The following STXBP5L variants were observed in gnomAD, a reference collection of about 807,000 sequenced individuals.
The protein encoded by STXBP5L is syntaxin-binding protein 5-like.
A neutral mutation model predicts 144.5 loss-of-function variants in STXBP5L; 65 were observed. The ratio of observed to expected loss-of-function variants is 0.45; its 90% CI spans 0.37 to 0.55. The LOEUF is 0.55. Ranked by LOEUF, STXBP5L falls within the 20% of genes least tolerant of loss-of-function variation. The probability of loss-of-function intolerance (pLI) is 0.00; values close to 1 mark genes in which losing one functional copy is unlikely to be tolerated. For synonymous variants in STXBP5L, 505 were observed against 469.6 expected, an observed-to-expected ratio of 1.08 and a Z score of -0.97; for missense variants, 1,298 against 1,405.5, an observed-to-expected ratio of 0.92 and a Z score of 1.22.
intron 20 of STXBP5L, among the ~76,000 whole-genome samples, chr3:121,322,704 G>A (rs1000715683): frequency 1.2e-4 from 18 of 151,800 alleles, no homozygotes; most frequent in Admixed American, 3.3e-4. Flanking sequence ...GAGGGGGTGC[G>A]GATATATGCC....
intron 20 of STXBP5L, among the ~76,000 whole-genome samples, chr3:121,363,618 C>A (rs1395629121): frequency 6.6e-6 from 1 of 150,512 alleles, no homozygotes; most frequent in Non-Finnish European, 1.5e-5. Flanking sequence ...CACCACATCA[C>A]CACTACCAAA....
rs561484592 is a variant in STXBP5L, at chr3:121,066,796, C to T, written c.470+21261C>T. Among the ~76,000 whole-genome samples the T allele has an allele frequency of 5.3e-5, 8 of 152,026 alleles. No individual in the cohort carries two copies. In the East Asian group the frequency reaches 1.5e-3, roughly 29 times the overall value. On this transcript the variant is annotated intron_variant, in intron 5 of 26. Coordinates refer to ENST00000471454, the MANE Select transcript of STXBP5L (RefSeq NM_001308330.2). ...TAAATATTTGTGAAATTTTGGTGTT[C>T]CCTCTTAAAATTTGGAAAAATTCAC...
intron 20 of STXBP5L, among the ~76,000 whole-genome samples, chr3:121,325,565 CAA>C (rs549848620): frequency 5.7e-4 from 87 of 151,918 alleles, no homozygotes; most frequent in Non-Finnish European, 3.1e-4. Context: ...AATGTTTTAA[CAA>C]AGAAATTTAA....
At chr3:121,378,695 G>T (rs1468561338) in intron 20 of STXBP5L, 21 bp from the exon 21 acceptor site, 3 of 1,609,792 alleles carry the variant, frequency 1.9e-6, no homozygotes, top group Non-Finnish European at 2.5e-6. Context: ...TATGTATGCT[G>T]CCTTCCTCCT....
chr3:121,261,375 T>C (rs2050377033), intron 18 of STXBP5L, among the ~76,000 whole-genome samples: 1 of 152,324 alleles, frequency 6.6e-6, no homozygotes, highest in East Asian at 1.9e-4. Flanking sequence ...AGTATTACTT[T>C]AAATGTTCCT....
chr3:121,052,682 G>T (rs543658894), intron 5 of STXBP5L, among the ~76,000 whole-genome samples: 1 of 152,092 alleles, frequency 6.6e-6, no homozygotes, highest in South Asian at 2.1e-4. Flanking sequence ...TTGAAAACTG[G>T]CACAAGACAG....
At chr3:120,975,243 T>G (rs953444543) in intron 3 of STXBP5L, among the ~76,000 whole-genome samples, 15 of 152,174 alleles carry the variant, frequency 9.9e-5, no homozygotes, top group African/African-American at 3.6e-4. Flanking sequence ...TAGTTCTCCT[T>G]GAAGAGGTCC....
At chr3:121,021,079 A>G (rs895936163) in intron 3 of STXBP5L, among the ~76,000 whole-genome samples, 1 of 152,108 alleles carries the variant, frequency 6.6e-6, no homozygotes, top group African/African-American at 2.4e-5. Context: ...GGAAAAACAT[A>G]GTCCATGCAA....
chr3:121,237,131 AC>A (rs1475856664), intron 12 of STXBP5L, among the ~76,000 whole-genome samples: 4 of 152,332 alleles, frequency 2.6e-5, no homozygotes, highest in Non-Finnish European at 2.9e-5. Context: ...CTGAGGTTGC[AC>A]ACTGCTGGCG....
intron 3 of STXBP5L, among the ~76,000 whole-genome samples, chr3:120,957,438 T>C (rs1046217698): frequency 5.3e-5 from 8 of 151,972 alleles, no homozygotes; most frequent in Admixed American, 4.6e-4. Context: ...TTGTTGAAAT[T>C]GATTTGTGAG....
intron 3 of STXBP5L, among the ~76,000 whole-genome samples, chr3:120,988,653 T>C (rs1380148190): frequency 1.3e-5 from 2 of 152,112 alleles, no homozygotes; most frequent in African/African-American, 2.4e-5. Flanking sequence ...TTCTATATCC[T>C]TGCTAATTTT....
Position 120,979,026 on chromosome 3 carries a change from C to T in STXBP5L, c.287+23989C>T, listed in dbSNP as rs1162864611. Among the ~76,000 whole-genome samples, 8 of 152,294 alleles carry T rather than the reference C, an allele frequency of 5.3e-5. No individual in the cohort carries two copies. The East Asian group carries it at 7.7e-4, about 15-fold the overall frequency. ...GACCCACTTGAGGAGGCAGTCTGCC[C>T]GTTCTCAGATCTCCAGCTGCATGCT... is the stretch of plus-strand genomic sequence containing the variant. On this transcript the variant is annotated intron_variant, in intron 3 of 26. Coordinates refer to ENST00000471454, the MANE Select transcript of STXBP5L (RefSeq NM_001308330.2).
At chr3:121,017,978 CTGAGT>C (rs1454413750) in intron 3 of STXBP5L, among the ~76,000 whole-genome samples, 1 of 152,114 alleles carries the variant, frequency 6.6e-6, no homozygotes, top group Admixed American at 6.6e-5. Flanking sequence ...ACCCAGGAGG[CTGAGT>C]TGAGAGGATC....
At chr3:121,345,781 G>A (rs879515128) in intron 20 of STXBP5L, among the ~76,000 whole-genome samples, 1 of 151,998 alleles carries the variant, frequency 6.6e-6, no homozygotes, top group Non-Finnish European at 1.5e-5. Context: ...ATTTTCTCAT[G>A]TGTCTGTTGG....
chr3:121,081,879 G>A (rs919837182), intron 5 of STXBP5L, among the ~76,000 whole-genome samples: 1 of 152,184 alleles, frequency 6.6e-6, no homozygotes, highest in African/African-American at 2.4e-5. Flanking sequence ...AAAGCTATCA[G>A]CCTCACAGCC....
chr3:121,007,887 A>G lies in STXBP5L; in HGVS notation c.288-33813A>G, dbSNP rs981680753. ...TCTTATGCTCCATGTTAAGTTTACT[A>G]TGTAAACTAATACTTACAGGTGTTA... On this transcript the variant is annotated intron_variant, in intron 3 of 26. Coordinates refer to ENST00000471454, the MANE Select transcript of STXBP5L (RefSeq NM_001308330.2). 1.2e-4 allele frequency among the ~76,000 whole-genome samples: 18 copies of G among 152,204 alleles called. 1 individual carries two copies. The highest frequency in any genetic ancestry group is 7.7e-4 in the East Asian group (4 of 5,184).
chr3:120,958,424 C>G (rs924565618), intron 3 of STXBP5L, among the ~76,000 whole-genome samples: 10 of 152,130 alleles, frequency 6.6e-5, no homozygotes, highest in African/African-American at 2.4e-4. Flanking sequence ...CAGCATCATC[C>G]TGATACCAAA....
At chr3:121,094,748 A>T (rs1487454314) in intron 5 of STXBP5L, among the ~76,000 whole-genome samples, 1 of 152,128 alleles carries the variant, frequency 6.6e-6, no homozygotes, top group Admixed American at 6.5e-5. Flanking sequence ...TGTGTCTTTT[A>T]ATTGGAGCAT....
chr3:120,995,934 G>T (rs977150330), intron 3 of STXBP5L, among the ~76,000 whole-genome samples: 6 of 152,010 alleles, frequency 3.9e-5, no homozygotes, highest in African/African-American at 1.4e-4. Flanking sequence ...ATTTTCAAGG[G>T]TAGGTTTTAC....
Sources: gnomAD v4.1 joint callset for allele counts (sites outside exome capture counted in the v4.1 genomes callset) on GRCh38, gnomAD v4.1.1 for gene constraint, MANE v1.5 for transcripts, NCBI Gene and HGNC (gene_info 2026-07-23, HGNC 2026-07-21) for gene names.